The following DSCAM variants were observed in gnomAD, a reference collection of about 807,000 sequenced individuals.
DSCAM encodes cell adhesion molecule DSCAM.
DSCAM carries 47 observed loss-of-function variants against 217.7 expected under a neutral mutation model. That is an observed-to-expected ratio of 0.22 (90% confidence interval 0.17 to 0.28). The LOEUF (loss-of-function observed/expected upper bound fraction) is 0.28, where lower values mean the gene tolerates loss of function less well. Ranked by LOEUF, DSCAM falls within the 10% of genes least tolerant of loss-of-function variation. The probability of loss-of-function intolerance (pLI) is 1.00; values close to 1 mark genes in which losing one functional copy is unlikely to be tolerated. For missense variants in DSCAM, 2,080 were observed against 2,618.3 expected (o/e 0.79, Z 4.49); for synonymous variants, 1,056 against 1,015.3 (o/e 1.04, Z -0.76).
intron 1 of DSCAM, among the ~76,000 whole-genome samples, chr21:40,843,368 A>ATGTGTGTGTGTG (rs36229663): frequency 2.7e-5 from 4 of 146,050 alleles, no homozygotes; most frequent in East Asian, 4.1e-4. Flanking sequence ...GAATGCATGC[A>ATGTGTGTGTGTG]TGTGTGTGTG....
intron 11 of DSCAM, among the ~76,000 whole-genome samples, chr21:40,267,691 G>A (rs1342528522): frequency 6.6e-6 from 1 of 152,158 alleles, no homozygotes; most frequent in African/African-American, 2.4e-5. Flanking sequence ...GAGGTCAGGA[G>A]TTTGAGACCA....
chr21:40,350,339 G>A (rs1054612327), intron 5 of DSCAM, among the ~76,000 whole-genome samples: 1 of 152,062 alleles, frequency 6.6e-6, no homozygotes, highest in African/African-American at 2.4e-5. Flanking sequence ...GAAACTATCA[G>A]AATGAACAGG....
chr21:40,579,471 G>C (rs1005844609), intron 3 of DSCAM, among the ~76,000 whole-genome samples: 3 of 152,156 alleles, frequency 2.0e-5, no homozygotes, highest in Non-Finnish European at 4.4e-5. Context: ...GGAAGAAGAC[G>C]AAAGAAGAGA....
chr21:40,141,597 G>C (rs1450130610), intron 18 of DSCAM, among the ~76,000 whole-genome samples: 1 of 152,112 alleles, frequency 6.6e-6, no homozygotes, highest in Non-Finnish European at 1.5e-5. Flanking sequence ...CAGCCTGGGT[G>C]ACAGAGGGAG....
intron 31 of DSCAM, 59 bp downstream of exon 31, chr21:40,044,019 C>T: frequency 6.3e-7 from 1 of 1,578,090 alleles, no homozygotes; most frequent in Non-Finnish European, 8.7e-7. Flanking sequence ...GCCCATGAAG[C>T]TCAAGGTGCG....
intron 30 of DSCAM, 72 bp from the exon 31 acceptor site, chr21:40,044,347 C>A: frequency 6.8e-7 from 1 of 1,476,620 alleles, no homozygotes; most frequent in Non-Finnish European, 9.2e-7. Context: ...GCGTAGAGGT[C>A]AGTGCCACCC....
At chr21:40,757,039 T>C (rs965162898) in intron 1 of DSCAM, among the ~76,000 whole-genome samples, 5 of 152,160 alleles carry the variant, frequency 3.3e-5, no homozygotes, top group Admixed American at 1.3e-4. Context: ...TATTTTATTT[T>C]TTTGAGATGG....
chr21:40,783,426 C>A (rs2091565273), intron 1 of DSCAM, among the ~76,000 whole-genome samples: 1 of 152,046 alleles, frequency 6.6e-6, no homozygotes, highest in Admixed American at 6.6e-5. Context: ...CTACTATCTG[C>A]ATGTGTGTGT....
intron 21 of DSCAM, among the ~76,000 whole-genome samples, chr21:40,093,325 T>C (rs542295710): frequency 9.2e-5 from 14 of 152,368 alleles, no homozygotes; most frequent in African/African-American, 3.1e-4. Flanking sequence ...GATTTTCAAA[T>C]ATTTTTAAGC....
At chr21:40,627,803 G>T (rs779717185) in intron 3 of DSCAM, among the ~76,000 whole-genome samples, 1 of 152,122 alleles carries the variant, frequency 6.6e-6, no homozygotes, top group Non-Finnish European at 1.5e-5. Flanking sequence ...CAGAGAAATC[G>T]AACCATTATT....
intron 3 of DSCAM, among the ~76,000 whole-genome samples, chr21:40,516,804 T>C (rs1387567059): frequency 1.3e-5 from 2 of 151,780 alleles, no homozygotes; most frequent in Non-Finnish European, 2.9e-5. Context: ...AACATTCATA[T>C]ACACTATTGT....
chr21:40,393,706 ATATAG>A (rs1601609747), intron 3 of DSCAM, among the ~76,000 whole-genome samples: 1 of 152,296 alleles, frequency 6.6e-6, no homozygotes, highest in South Asian at 2.1e-4. Context: ...TTCTACATAT[ATATAG>A]TATTTAGATA....
intron 3 of DSCAM, among the ~76,000 whole-genome samples, chr21:40,474,996 A>G (rs948188152): frequency 1.3e-5 from 2 of 152,098 alleles, no homozygotes; most frequent in East Asian, 1.9e-4. Context: ...CCAGGAAAAA[A>G]AAAAGCCCAT....
At chr21:40,789,154 G>A (rs750710506) in intron 1 of DSCAM, among the ~76,000 whole-genome samples, 5 of 151,840 alleles carry the variant, frequency 3.3e-5, no homozygotes, top group East Asian at 1.9e-4. Context: ...GAAGGGTGCC[G>A]ATAGAGCAGA....
intron 1 of DSCAM, among the ~76,000 whole-genome samples, chr21:40,773,199 C>A (rs938504958): frequency 3.3e-5 from 5 of 152,224 alleles, no homozygotes; most frequent in Non-Finnish European, 7.3e-5. Context: ...TCTAGGAAAC[C>A]CAGCTGTTTA....
rs2089510784 is a variant in DSCAM at position 40,084,859 on chromosome 21, A to G, written c.4132+743T>C. Among the ~76,000 whole-genome samples, 4 of 152,190 alleles carry G rather than the reference A, an allele frequency of 2.6e-5. No homozygotes were observed. The South Asian group carries it at 8.3e-4, about 32-fold the overall frequency. Reference sequence around the variant, plus strand: ...TGAAATTCAAGATCAATTTTGCAGCATTTTTAGAAATATAGTTCTTTTCCT... The same window carrying G: ...TGAAATTCAAGATCAATTTTGCAGCGTTTTTAGAAATATAGTTCTTTTCCT... On this transcript the variant is annotated intron_variant, in intron 23 of 32. Transcript: ENST00000400454.
intron 11 of DSCAM, among the ~76,000 whole-genome samples, chr21:40,202,926 T>G (rs1347432424): frequency 6.6e-6 from 1 of 152,250 alleles, no homozygotes; most frequent in Non-Finnish European, 1.5e-5. Context: ...AGGACATAAA[T>G]GCCCTTTTAA....
At chr21:40,091,793 T>G (rs925732680) in intron 21 of DSCAM, among the ~76,000 whole-genome samples, 1 of 152,108 alleles carries the variant, frequency 6.6e-6, no homozygotes, top group Non-Finnish European at 1.5e-5. Context: ...AGAGCATGTG[T>G]GGTGGAACTC....
intron 3 of DSCAM, among the ~76,000 whole-genome samples, chr21:40,405,866 G>A (rs755984253): frequency 2.6e-5 from 4 of 151,942 alleles, no homozygotes; most frequent in Non-Finnish European, 5.9e-5. Flanking sequence ...GTGTGGTGGC[G>A]TGCACCTGTA....
Sources: allele counts gnomAD v4.1 joint callset (sites outside exome capture counted in the v4.1 genomes callset), GRCh38; gene constraint gnomAD v4.1.1; transcripts MANE v1.5; gene names NCBI Gene and HGNC (gene_info 2026-07-23, HGNC 2026-07-21).